The following HSPB1 variants were observed in gnomAD, a reference collection of about 807,000 sequenced individuals.
The protein encoded by HSPB1 is heat shock protein beta-1.
HSPB1 carries 19 observed loss-of-function variants against 17.0 expected under a neutral mutation model. That is an observed-to-expected ratio of 1.12 (90% confidence interval 0.78 to 1.64). HSPB1 has a LOEUF of 1.64. Ranked by LOEUF, HSPB1 falls within the 40% of genes most tolerant of loss-of-function variation. HSPB1 has a pLI of 0.00. For missense variants in HSPB1, 348 were observed against 289.2 expected (o/e 1.20, Z -1.47); for synonymous variants, 165 against 129.8 (o/e 1.27, Z -1.84).
chr7:76,302,758 T>G lies in HSPB1; in HGVS notation c.46T>G (p.Trp16Gly). 1 of 1,607,230 alleles carries G rather than the reference T, an allele frequency of 6.2e-7. No homozygotes were observed. Among genetic ancestry groups the G allele is most frequent in the Non-Finnish European group, 8.5e-7 (1 of 1,179,712 alleles). ...CTTCTCGCTCCTGCGGGGCCCCAGC[T>G]GGGACCCCTTCCGCGACTGGTACCC... ...VPFSLLRGPS[W>G]DPFRDWYPHS... The change falls in exon 1 of 3, where the codon TGG becomes GGG. Residue 16 changes from tryptophan (W) to glycine (G), a missense_variant. By Grantham distance (184) the Trp-to-Gly change is radical. Transcript: ENST00000248553.
rs1304518479 is a variant in HSPB1 at position 76,302,693 on chromosome 7, C to G, written c.-20C>G. On this transcript the variant is annotated 5_prime_UTR_variant, in exon 1 of 3. Transcript: ENST00000248553. The stretch of plus-strand genomic sequence containing the variant: ...GCCCCGCACTTTTCTGAGCAGACGT[C>G]CAGAGCAGAGTCAGCCAGCATGACC... The G allele has an allele frequency of 3.1e-6, 5 of 1,598,766 alleles. No individual in the cohort carries two copies. Among genetic ancestry groups the G allele is most frequent in the Non-Finnish European group, 4.2e-6 (5 of 1,179,854 alleles).
rs199712600 is a variant in HSPB1, at chr7:76,302,745, G to A, written c.33G>A (p.Leu11=). 3 of 1,605,878 alleles carry A rather than the reference G, an allele frequency of 1.9e-6. No homozygotes were observed. The highest frequency in any genetic ancestry group is 2.7e-5 in the African/African-American group (2 of 75,020). ...AGCGCCGCGTCCCCTTCTCGCTCCT[G>A]CGGGGCCCCAGCTGGGACCCCTTCC... MTERRVPFSL[L]RGPSWDPFRD... The change falls in exon 1 of 3, where the codon CTG becomes CTA. Residue 11 remains leucine (L), a synonymous_variant. Transcript: ENST00000248553.
At chr7:76,303,771 C>T (rs747285304) in intron 1 of HSPB1, 31 bp from the exon 2 acceptor site, 3 of 1,605,052 alleles carry the variant, frequency 1.9e-6, no homozygotes, top group Admixed American at 1.7e-5. Context: ...GTCCCCTCCC[C>T]CGCAGTCTGA....
rs1292313342 is a variant in HSPB1, at chr7:76,304,038, C to T, written c.483C>T (p.Gly161=). 2 of 1,613,770 alleles carry T rather than the reference C, an allele frequency of 1.2e-6. No homozygotes were observed. The highest frequency in any genetic ancestry group is 4.5e-5 in the East Asian group (2 of 44,898). The change falls in exon 3 of 3, where the codon GGC becomes GGT. Residue 161 remains glycine, a synonymous_variant. Transcript: ENST00000248553. The part of the protein sequence containing the change: ...TQVSSSLSPE[G]TLTVEAPMPK... ...TTTCCTCCTCCCTGTCCCCTGAGGGCACACTGACCGTGGAGGCCCCCATGC... is the reference window on the plus strand; with the variant it reads ...TTTCCTCCTCCCTGTCCCCTGAGGGTACACTGACCGTGGAGGCCCCCATGC...
At position 76,302,929 on chromosome 7, in the gene HSPB1, T is replaced by C; in HGVS notation, c.217T>C (p.Tyr73His). 6.5e-7 allele frequency: 1 copy of C among 1,545,904 alleles called. No individual in the cohort carries two copies. The highest frequency in any genetic ancestry group is 8.7e-7 in the Non-Finnish European group (1 of 1,151,300). ...GAGCCCCGCAGTGGCCGCGCCCGCCTACAGCCGCGCGCTCAGCCGGCAACT... is the reference window on the plus strand; with the variant it reads ...GAGCCCCGCAGTGGCCGCGCCCGCCCACAGCCGCGCGCTCAGCCGGCAACT... ...IESPAVAAPAYSRALSRQLSS... is the reference protein window; with the variant it reads ...IESPAVAAPAHSRALSRQLSS... The change falls in exon 1 of 3, where the codon TAC (tyrosine) becomes CAC (histidine). Residue 73 changes from tyrosine (Y) to histidine (H), a missense_variant. Coordinates refer to ENST00000248553, the MANE Select transcript of HSPB1 (RefSeq NM_001540.5).
At chr7:76,303,162 G>C (rs1246772042) in intron 1 of HSPB1, 86 bp downstream of exon 1, 1 of 1,452,404 alleles carries the variant, frequency 6.9e-7, no homozygotes, top group Non-Finnish European at 9.2e-7. Context: ...GGGGGTCCCG[G>C]GGGCCTGGGG....
At chr7:76,303,294 G>T (rs1353485710) in intron 1 of HSPB1, 1 of 578,244 alleles carries the variant, frequency 1.7e-6, no homozygotes, top group Non-Finnish European at 3.0e-6. Context: ...TTGGGAGGCC[G>T]AGACGGGAGG....
At chr7:76,303,921 AG>A in intron 2 of HSPB1, 56 bp downstream of exon 2, 1 of 1,610,286 alleles carries the variant, frequency 6.2e-7, no homozygotes, top group Non-Finnish European at 8.5e-7. Context: ...GGGTCAGGGA[AG>A]AGGGCACAGG....
chr7:76,303,936 C>G (rs1167194323), intron 2 of HSPB1, 48 bp from the exon 3 acceptor site: 2 of 1,610,734 alleles, frequency 1.2e-6, no homozygotes, highest in African/African-American at 2.7e-5. Flanking sequence ...GCACAGGGAC[C>G]CACCCGGTGT....
intron 1 of HSPB1, chr7:76,303,337 G>A: frequency 1.9e-6 from 1 of 527,876 alleles, no homozygotes. Flanking sequence ...AGACTAGCCT[G>A]GGCAACATAG....
chr7:76,303,417 T>C (rs143953779), intron 1 of HSPB1: 171 of 446,368 alleles, frequency 3.8e-4, no homozygotes, highest in African/African-American at 3.0e-3. Context: ...TTTTTAAAGA[T>C]CATCGATGAA....
chr7:76,303,417 T>A, intron 1 of HSPB1: 4 of 446,292 alleles, frequency 9.0e-6, no homozygotes. Context: ...TTTTTAAAGA[T>A]CATCGATGAA....
chr7:76,303,043 G>T lies in HSPB1; in HGVS notation c.331G>T (p.Val111Phe). 6.5e-7 allele frequency: 1 copy of T among 1,541,518 alleles called. No individual in the cohort carries two copies. The change falls in exon 1 of 3, where the codon GTC becomes TTC. Residue 111 changes from valine (V) to phenylalanine (F), a missense_variant. Physicochemically the swap from Val to Phe is conservative, Grantham distance 50. Coordinates refer to ENST00000248553, the MANE Select transcript of HSPB1 (RefSeq NM_001540.5). Reference protein sequence around the residue: ...VNHFAPDELTVKTKDGVVEIT... With the variant: ...VNHFAPDELTFKTKDGVVEIT... ...CCACTTCGCCCCGGACGAGCTGACG[G>T]TCAAGACCAAGGATGGCGTGGTGGA...
Position 76,303,941 on chromosome 7 carries a change from C to A in HSPB1, c.429-43C>A, listed in dbSNP as rs376461444. 5 of 1,611,572 alleles carry A rather than the reference C, an allele frequency of 3.1e-6. No individual in the cohort carries two copies. In the South Asian group the frequency reaches 5.5e-5, roughly 18 times the overall value. ...AGGGAAGAGGGCACAGGGACCCACC[C>A]GGTGTGTAATGTAACGCTTGCCTTT... is the stretch of plus-strand genomic sequence containing the variant. On this transcript the variant is annotated intron_variant, in intron 2 of 2. Coordinates refer to ENST00000248553, the MANE Select transcript of HSPB1 (RefSeq NM_001540.5).
rs1165123190 is a variant in HSPB1, at chr7:76,304,000, G to T, written c.445G>T (p.Asp149Tyr). 6.2e-7 allele frequency: 1 copy of T among 1,613,698 alleles called. No individual in the cohort carries two copies. Among genetic ancestry groups the T allele is most frequent in the Non-Finnish European group, 8.5e-7 (1 of 1,180,026 alleles). ...TRKYTLPPGV[D>Y]PTQVSSSLSP... is the part of the protein sequence containing the mutation. ...CACGTCCAGGCTGCCCCCCGGTGTG[G>T]ACCCCACCCAAGTTTCCTCCTCCCT... is the stretch of plus-strand genomic sequence containing the variant. The change falls in exon 3 of 3, where the codon GAC (aspartate) becomes TAC (tyrosine). Residue 149 changes from aspartate to tyrosine, a missense_variant. Physicochemically the swap from Asp to Tyr is radical, Grantham distance 160. Coordinates refer to ENST00000248553, the MANE Select transcript of HSPB1 (RefSeq NM_001540.5).
chr7:76,303,394 GCAAA>G (rs1383353227), intron 1 of HSPB1: 13 of 445,628 alleles, frequency 2.9e-5, no homozygotes, highest in African/African-American at 1.8e-4. Context: ...CAAAAAAAAA[GCAAA>G]CAAAAATTTT....
In HSPB1 at chr7:76,302,740, C is replaced by G. The variant is rs1273609530; in HGVS notation, c.28C>G (p.Leu10Val). The G allele has an allele frequency of 6.2e-7, 1 of 1,605,402 alleles. No individual in the cohort carries two copies. Among genetic ancestry groups the G allele is most frequent in the Admixed American group, 1.7e-5 (1 of 59,994 alleles). The stretch of plus-strand genomic sequence containing the variant: ...GACCGAGCGCCGCGTCCCCTTCTCG[C>G]TCCTGCGGGGCCCCAGCTGGGACCC... MTERRVPFS[L>V]LRGPSWDPFR... The change falls in exon 1 of 3, where the codon CTC (leucine) becomes GTC (valine). Residue 10 changes from leucine (L) to valine (V), a missense_variant. By Grantham distance (32) the Leu-to-Val change is conservative (BLOSUM62 1). Transcript: ENST00000248553.
chr7:76,303,614 A>G (rs1004519769), intron 1 of HSPB1, 188 bp from the exon 2 acceptor site: 4 of 636,708 alleles, frequency 6.3e-6, no homozygotes, highest in Non-Finnish European at 1.2e-5. Flanking sequence ...AAAACTCTGA[A>G]TCGAAGAACT....
At chr7:76,303,241 G>A (rs755686068) in intron 1 of HSPB1, 165 bp downstream of exon 1, 8 of 853,954 alleles carry the variant, frequency 9.4e-6, no homozygotes, top group South Asian at 1.8e-5. Flanking sequence ...TTGGGAGTGC[G>A]GGTCGCTTCT....
Sources: allele counts gnomAD v4.1 joint callset, GRCh38; gene constraint gnomAD v4.1.1; transcripts MANE v1.5; gene names NCBI Gene and HGNC (gene_info 2026-07-23, HGNC 2026-07-21).